The following NBPF12 variants were observed in gnomAD, a reference collection of about 807,000 sequenced individuals.
The protein encoded by NBPF12 is NBPF member 12, also known as NBPF family member NBPF12.
A neutral mutation model predicts 146.4 loss-of-function variants in NBPF12; 115 were observed. The observed-to-expected ratio is 0.79, with a 90% CI of 0.68 to 0.92. The LOEUF (loss-of-function observed/expected upper bound fraction) is 0.92. Among genes scored for constraint, NBPF12 ranks in the 40% least tolerant of loss-of-function variants. The probability of loss-of-function intolerance (pLI) is 0.00; values close to 1 mark genes in which losing one functional copy is unlikely to be tolerated. For missense variants in NBPF12, 1,205 were observed against 1,326.8 expected (o/e 0.91, Z 1.43); for synonymous variants, 385 against 508.9 (o/e 0.76, Z 3.28).
At chr1:146,938,715 G>T (rs1380342897), upstream of NBPF12, 1 of 146,596 alleles carries the variant, frequency 6.8e-6, no homozygotes, top group African/African-American at 2.5e-5. Context: ...CTGCGCCTGT[G>T]CCTTGGGCTC....
chr1:146,944,480 G>C (rs1212936677), upstream of NBPF12, among the ~76,000 whole-genome samples: 1 of 147,432 alleles, frequency 6.8e-6, no homozygotes, highest in Non-Finnish European at 1.5e-5. Context: ...ACCTGCAGCC[G>C]GGCAGCTTCT....
At chr1:146,995,707 C>T (rs1658499709) in exon 34 of NBPF12, 1 of 149,956 alleles carries the variant, frequency 6.7e-6, no homozygotes, top group Non-Finnish European at 1.5e-5. Flanking sequence ...CAACCTCAGC[C>T]CATCTGCGGG....
At chr1:146,963,997 G>T (rs1316255354) in intron 6 of NBPF12, among the ~76,000 whole-genome samples, 1 of 130,918 alleles carries the variant, frequency 7.6e-6, no homozygotes, top group Admixed American at 8.1e-5. Context: ...GAGAAAGAAT[G>T]AGGTTTGAAA....
exon 34 of NBPF12, chr1:146,994,333 C>T: frequency 8.7e-6 from 14 of 1,611,678 alleles, no homozygotes; most frequent in Non-Finnish European, 1.2e-5. Context: ...CTTTTCCAGG[C>T]TCAACAGCGT....
At position 146,951,337 on chromosome 1, in the gene NBPF12, C is replaced by A; in HGVS notation, c.-325-11C>A. 1 of 629,952 alleles carries A rather than the reference C, an allele frequency of 1.6e-6. No individual in the cohort carries two copies. Among genetic ancestry groups the A allele is most frequent in the South Asian group, 1.9e-5 (1 of 52,914 alleles). The allele number at this position is 629,952 out of a possible 1,614,324, so 39.0% of individuals were successfully genotyped here. A position where few individuals can be genotyped will look rare whatever the true frequency, so the allele number is the denominator to read the frequency against. On this transcript the variant is annotated splice_polypyrimidine_tract_variant and intron_variant, in intron 1 of 33. Coordinates refer to ENST00000617844, the Ensembl canonical transcript of NBPF12. ...GGGGAGGTAAATAAATTATTTGTTTCTTCTTGGTAGCCCTTGAAGATAAGG... is the reference window on the plus strand; with the variant it reads ...GGGGAGGTAAATAAATTATTTGTTTATTCTTGGTAGCCCTTGAAGATAAGG...
upstream of NBPF12, among the ~76,000 whole-genome samples, chr1:146,938,577 C>G (rs1489486828): frequency 1.3e-5 from 2 of 151,964 alleles, no homozygotes; most frequent in Non-Finnish European, 2.9e-5. Flanking sequence ...GGCCCGAACC[C>G]GTTGTGCGGT....
At chr1:146,970,818 A>T (rs1656557930) in intron 12 of NBPF12, 99 bp downstream of exon 15, 1 of 1,115,154 alleles carries the variant, frequency 9.0e-7, no homozygotes, top group Admixed American at 1.7e-5. Flanking sequence ...AAAAGCCCGC[A>T]TTCCCTTGGC....
chr1:146,974,811 C>T lies in NBPF12; in HGVS notation c.1874C>T (p.Ala625Val), dbSNP rs1553887108. 868 of 1,206,628 alleles carry T rather than the reference C, an allele frequency of 7.2e-4. 108 individuals are homozygous for T. Among genetic ancestry groups the T allele is most frequent in the Non-Finnish European group, 9.3e-4 (821 of 878,930 alleles). The allele number at this position is 1,206,628 out of a possible 1,614,324, so 74.7% of individuals were successfully genotyped here. Reference sequence around the variant, plus strand: ...CTACAGTTCAAGGAGGAGAAGCTTGCAGAGCAGCTGAAGCAAGCTGAGGAG... The same window carrying T: ...CTACAGTTCAAGGAGGAGAAGCTTGTAGAGCAGCTGAAGCAAGCTGAGGAG... The change falls in exon 15 of 34, where the codon GCA (alanine) becomes GTA (valine). Residue 625 changes from alanine (A) to valine (V), a missense_variant. Physicochemically the swap from Ala to Val is moderately conservative, Grantham distance 64 (BLOSUM62 0). Transcript: ENST00000617844.
In NBPF12 at chr1:146,966,123, A is replaced by G. The variant is rs1369576156; in HGVS notation, c.779-341A>G. Among the ~76,000 whole-genome samples, 6 of 151,976 alleles carry G rather than the reference A, an allele frequency of 3.9e-5. No homozygotes were observed. The East Asian group carries it at 7.7e-4, about 20-fold the overall frequency. On this transcript the variant is annotated intron_variant, in intron 8 of 33. Coordinates refer to ENST00000617844, the Ensembl canonical transcript of NBPF12. ...CTCCGTCTCAAACAGAAAACAAAAA[A>G]CCAAAAAAGAAAAAAATTAAAAAAG...
At position 146,964,432 on chromosome 1, in the gene NBPF12, A is replaced by G. The variant is rs1411647984; in HGVS notation, c.566+3A>G. ...GTACTGGAATCATCTGCCCCCAGGT[A>G]ACACTGAATACTCAGGAGCAAGTAA... On this transcript the variant is annotated splice_donor_region_variant and intron_variant, in intron 7 of 33. Transcript: ENST00000617844. 236,342 of 1,585,492 alleles carry G rather than the reference A, an allele frequency of 0.15. 18,544 individuals carry two copies. Among genetic ancestry groups the G allele is most frequent in the Admixed American group, 0.34 (20,152 of 59,586 alleles).
At chr1:146,969,990 GT>G (rs1656482773) in intron 11 of NBPF12, among the ~76,000 whole-genome samples, 1 of 150,254 alleles carries the variant, frequency 6.7e-6, no homozygotes, top group African/African-American at 2.5e-5. Flanking sequence ...TCTTTCCAGA[GT>G]TTCTCTCTCT....
chr1:146,966,449 C>T lies in NBPF12; in HGVS notation c.779-15C>T. On this transcript the variant is annotated splice_polypyrimidine_tract_variant and intron_variant, in intron 8 of 33. Coordinates refer to ENST00000617844, the Ensembl canonical transcript of NBPF12. ...AGTTTTTAACCCATCATGTGTTTGC[C>T]TTTCTTCTCCCCAGTCCCTGGCCCC... is the stretch of plus-strand genomic sequence containing the variant. The T allele has an allele frequency of 1.5e-6, 2 of 1,345,786 alleles. No individual in the cohort carries two copies. The highest frequency in any genetic ancestry group is 2.3e-5 in the East Asian group (1 of 43,478). The allele number at this position is 1,345,786 out of a possible 1,614,324, so 83.4% of individuals were successfully genotyped here. A position where few individuals can be genotyped will look rare whatever the true frequency, so the allele number is the denominator to read the frequency against.
intron 19 of NBPF12, among the ~76,000 whole-genome samples, chr1:146,980,037 C>T (rs1242454604): frequency 1.4e-5 from 2 of 145,206 alleles, no homozygotes; most frequent in South Asian, 2.3e-4. Context: ...GTTAACTCTT[C>T]TTGTTGAATT....
Position 146,972,675 on chromosome 1 carries a change from A to G in NBPF12, c.1592-76A>G, listed in dbSNP as rs1384764579. On this transcript the variant is annotated intron_variant, in intron 13 of 33. Coordinates refer to ENST00000617844, the Ensembl canonical transcript of NBPF12. The stretch of plus-strand genomic sequence containing the variant: ...ATAAGTAGACAAGGCTACCAGTGAC[A>G]TCCCTCAGTCCTGATTAAGCCTATT... 6.8e-6 allele frequency: 8 copies of G among 1,184,178 alleles called. No individual in the cohort carries two copies. In the African/African-American group the frequency reaches 1.2e-4, roughly 18 times the overall value. The allele number at this position is 1,184,178 out of a possible 1,614,324, so 73.4% of individuals were successfully genotyped here.
Position 146,962,209 on chromosome 1 carries a change from G to T in NBPF12, c.224G>T (p.Arg75Leu), listed in dbSNP as rs1190072973. The change falls in exon 5 of 34, where the codon CGA (arginine) becomes CTA (leucine). Residue 75 changes from arginine (R) to leucine (L), a missense_variant. Arg to Leu is a moderately radical substitution (Grantham distance 102). This residue lies in a region of NBPF12 where 138 missense variants were observed against 101.7 expected (regional missense o/e 1.36). Coordinates refer to ENST00000617844, the Ensembl canonical transcript of NBPF12. ...ATAAAATTTATGCTGAGGAATGAGC[G>T]ACAGTTCAAGGAGGAGAAGCTTGCA... 1.2e-3 allele frequency: 1,878 copies of T among 1,608,286 alleles called. 36 individuals carry two copies. In the African/African-American group the frequency reaches 0.02, roughly 17 times the overall value.
At chr1:146,965,899 G>C (rs1417067887) in intron 8 of NBPF12, among the ~76,000 whole-genome samples, 1 of 149,918 alleles carries the variant, frequency 6.7e-6, no homozygotes. Flanking sequence ...CCTGAGCTCA[G>C]GAGATCGAAA....
intron 4 of NBPF12, among the ~76,000 whole-genome samples, chr1:146,960,783 T>C (rs1273720079): frequency 4.6e-5 from 7 of 152,120 alleles, no homozygotes; most frequent in East Asian, 1.9e-4. Flanking sequence ...ACCCAGTACC[T>C]GCTCTGAGGG....
In NBPF12 at chr1:146,970,068, C is replaced by T. The variant is rs1299902838; in HGVS notation, c.1306+472C>T. Among the ~76,000 whole-genome samples the T allele has an allele frequency of 7.4e-5, 11 of 149,408 alleles. No individual in the cohort carries two copies. In the East Asian group the frequency reaches 7.9e-4, roughly 11 times the overall value. On this transcript the variant is annotated intron_variant, in intron 11 of 33. Coordinates refer to ENST00000617844, the Ensembl canonical transcript of NBPF12. ...AAGCATCCAAATATGGGAACACTTA[C>T]GAATGCTTTTCAAAATGAGATGAAG...
chr1:146,966,410 T>A (rs1486832373), intron 8 of NBPF12, 54 bp from the exon 12 acceptor site: 17 of 1,328,108 alleles, frequency 1.3e-5, no homozygotes, highest in Admixed American at 5.0e-5. Context: ...TGATTAAGCC[T>A]ACTTGATTTC....
Sources: allele counts gnomAD v4.1 joint callset (sites outside exome capture counted in the v4.1 genomes callset), GRCh38; gene constraint gnomAD v4.1.1; regional missense constraint gnomAD v4.1.1; transcripts MANE v1.5; gene names NCBI Gene and HGNC (gene_info 2026-07-23, HGNC 2026-07-21).